The following SPAG16 variants were observed in gnomAD, a reference collection of about 807,000 sequenced individuals.
SPAG16 encodes sperm associated antigen 16, also known as sperm-associated antigen 16 protein.
Under a neutral mutation model 80.4 loss-of-function variants are expected in SPAG16, and 86 were observed. The ratio of observed to expected loss-of-function variants is 1.07; its 90% CI spans 0.90 to 1.28. The LOEUF (loss-of-function observed/expected upper bound fraction) is 1.28, where lower values mean the gene tolerates loss of function less well. SPAG16 is among the 50% of genes most tolerant of loss of function. The probability of loss-of-function intolerance (pLI) is 0.00; values close to 1 mark genes in which losing one functional copy is unlikely to be tolerated. For missense variants in SPAG16, 870 were observed against 765.3 expected (o/e 1.14, Z -1.61); for synonymous variants, 294 against 265.9 (o/e 1.11, Z -1.03).
chr2:213,840,504 C>T (rs1230139463), intron 10 of SPAG16, among the ~76,000 whole-genome samples: 1 of 152,002 alleles, frequency 6.6e-6, no homozygotes, highest in African/African-American at 2.4e-5. Context: ...TGGAAAATTA[C>T]CTTGAATTTT....
chr2:213,823,731 A>G (rs939434651), intron 10 of SPAG16, among the ~76,000 whole-genome samples: 1 of 152,116 alleles, frequency 6.6e-6, no homozygotes, highest in African/African-American at 2.4e-5. Flanking sequence ...GTCTGTTTAT[A>G]TCATTTGCCT....
intron 11 of SPAG16, among the ~76,000 whole-genome samples, chr2:213,915,349 A>G (rs564774005): frequency 1.9e-4 from 28 of 148,198 alleles, no homozygotes; most frequent in Admixed American, 1.0e-3. Context: ...CTCATTGTTC[A>G]CCTCCCACTT....
chr2:214,376,621 G>T (rs1700150472), intron 15 of SPAG16, among the ~76,000 whole-genome samples: 1 of 152,026 alleles, frequency 6.6e-6, no homozygotes, highest in African/African-American at 2.4e-5. Flanking sequence ...TGATTAAAAA[G>T]AGCTTATTAC....
intron 10 of SPAG16, among the ~76,000 whole-genome samples, chr2:213,527,859 TAGA>T (rs1473685719): frequency 2.6e-5 from 4 of 152,150 alleles, no homozygotes; most frequent in African/African-American, 9.7e-5. Flanking sequence ...TTGCAGCACA[TAGA>T]AGTTTTCTAA....
chr2:213,801,178 A>G (rs2071372170), intron 10 of SPAG16, among the ~76,000 whole-genome samples: 1 of 152,250 alleles, frequency 6.6e-6, no homozygotes, highest in Non-Finnish European at 1.5e-5. Flanking sequence ...AATGAAAACA[A>G]TAATAAACTA....
intron 10 of SPAG16, among the ~76,000 whole-genome samples, chr2:213,601,195 T>G (rs2061048453): frequency 6.6e-6 from 1 of 152,176 alleles, no homozygotes; most frequent in Non-Finnish European, 1.5e-5. Flanking sequence ...TCATATGAGT[T>G]CAGTTAATGA....
At chr2:214,190,659 G>A (rs537631672) in intron 15 of SPAG16, among the ~76,000 whole-genome samples, 7 of 152,088 alleles carry the variant, frequency 4.6e-5, no homozygotes, top group African/African-American at 9.6e-5. Context: ...TCAGATGTGC[G>A]GCCTTAGGTT....
intron 7 of SPAG16, among the ~76,000 whole-genome samples, chr2:213,358,329 C>T (rs1001719482): frequency 1.3e-5 from 2 of 152,156 alleles, no homozygotes. Context: ...GGAAGTTCTC[C>T]TGGATAATAT....
chr2:214,163,788 T>G (rs1576389212), intron 15 of SPAG16, among the ~76,000 whole-genome samples: 1 of 151,724 alleles, frequency 6.6e-6, no homozygotes, highest in African/African-American at 2.4e-5. Flanking sequence ...AGTCCACAGG[T>G]AGTATAGAAG....
intron 10 of SPAG16, among the ~76,000 whole-genome samples, chr2:213,767,767 T>G (rs1414277907): frequency 6.6e-6 from 1 of 152,070 alleles, no homozygotes; most frequent in Non-Finnish European, 1.5e-5. Flanking sequence ...CTTTCTCCAC[T>G]GGAATAACTT....
chr2:213,938,382 A>G (rs1046109723), intron 12 of SPAG16, among the ~76,000 whole-genome samples: 2 of 152,026 alleles, frequency 1.3e-5, no homozygotes, highest in African/African-American at 4.8e-5. Flanking sequence ...ATTTACTTGT[A>G]CATGTATGTG....
intron 12 of SPAG16, among the ~76,000 whole-genome samples, chr2:213,967,505 A>C (rs2044766349): frequency 6.6e-6 from 1 of 152,184 alleles, no homozygotes; most frequent in African/African-American, 2.4e-5. Context: ...ATATACAGCT[A>C]ATTGGAGAAA....
At chr2:214,082,432 T>G (rs1201623906) in intron 13 of SPAG16, among the ~76,000 whole-genome samples, 1 of 152,242 alleles carries the variant, frequency 6.6e-6, no homozygotes, top group Non-Finnish European at 1.5e-5. Context: ...CTCTTAATAC[T>G]ACTTTAGTTA....
chr2:214,152,418 C>T (rs1042519700), intron 15 of SPAG16, among the ~76,000 whole-genome samples: 1 of 152,128 alleles, frequency 6.6e-6, no homozygotes, highest in African/African-American at 2.4e-5. Flanking sequence ...AGGCACATTA[C>T]CTATTTCTCC....
intron 12 of SPAG16, among the ~76,000 whole-genome samples, chr2:213,962,197 G>GTT (rs1428699030): frequency 2.0e-4 from 28 of 141,478 alleles, no homozygotes; most frequent in African/African-American, 4.9e-4. Flanking sequence ...CTTTTTTTAT[G>GTT]TTTTTTTTTT....
intron 14 of SPAG16, among the ~76,000 whole-genome samples, chr2:214,112,842 G>T (rs1477681526): frequency 6.6e-6 from 1 of 152,052 alleles, no homozygotes; most frequent in African/African-American, 2.4e-5. Context: ...ATATTGCTAT[G>T]TGTGAATTTG....
chr2:213,791,894 T>G (rs2070722401), intron 10 of SPAG16, among the ~76,000 whole-genome samples: 1 of 152,172 alleles, frequency 6.6e-6, no homozygotes, highest in South Asian at 2.1e-4. Flanking sequence ...GTTTTAAATA[T>G]TTTGTACATA....
intron 9 of SPAG16, among the ~76,000 whole-genome samples, chr2:213,451,214 G>A (rs529321195): frequency 3.7e-4 from 56 of 152,158 alleles, no homozygotes; most frequent in African/African-American, 1.3e-3. Context: ...TAGTAAAGGG[G>A]CATTTCAAAA....
chr2:213,536,676 GTT>G (rs1164689694), intron 10 of SPAG16, among the ~76,000 whole-genome samples: 1 of 152,042 alleles, frequency 6.6e-6, no homozygotes, highest in East Asian at 1.9e-4. Context: ...TGATGGGGTT[GTT>G]TGTTTTTTTC....
Sources: gnomAD v4.1 joint callset for allele counts (sites outside exome capture counted in the v4.1 genomes callset) on GRCh38, gnomAD v4.1.1 for gene constraint, MANE v1.5 for transcripts, NCBI Gene and HGNC (gene_info 2026-07-23, HGNC 2026-07-21) for gene names.